SSR1: variants seen among roughly 807,000 people sequenced by gnomAD.
The protein encoded by SSR1 is signal sequence receptor subunit 1.
SSR1 carries 13 observed loss-of-function variants against 36.1 expected under a neutral mutation model. That is an observed-to-expected ratio of 0.36 (90% CI 0.23 to 0.57). The LOEUF (loss-of-function observed/expected upper bound fraction) is 0.57. Ranked by LOEUF, SSR1 falls within the 20% of genes least tolerant of loss-of-function variation. SSR1 has a pLI of 0.81. For missense variants in SSR1, 291 were observed against 338.5 expected, an observed-to-expected ratio of 0.86 and a Z score of 1.10; for synonymous variants, 113 against 118.9, an observed-to-expected ratio of 0.95 and a Z score of 0.32.
Position 7,295,484 on chromosome 6 carries a change from C to T in SSR1, c.701G>A (p.Arg234His), listed in dbSNP as rs138604679. 57 of 1,587,222 alleles carry T rather than the reference C, an allele frequency of 3.6e-5. No individual in the cohort carries two copies. The highest frequency in any genetic ancestry group is 1.4e-4 in the East Asian group (6 of 44,334). ...TTCTACTTTCTGTATGGGTCTCTTACGCTAAAAGAACATAAAGACATATTT... is the reference window on the plus strand; with the variant it reads ...TTCTACTTTCTGTATGGGTCTCTTATGCTAAAAGAACATAAAGACATATTT... ...GLHQLLESRK[R>H]KRPIQKVEMG... The change falls in exon 7 of 8, where the codon CGT (arginine) becomes CAT (histidine). Residue 234 changes from arginine to histidine, a missense_variant and splice_region_variant. By Grantham distance (29) the Arg-to-His change is conservative. Coordinates refer to ENST00000244763, the MANE Select transcript of SSR1 (RefSeq NM_003144.5).
Position 7,284,038 on chromosome 6 carries a change from T to G in SSR1, c.*5826A>C, listed in dbSNP as rs945913434. ...CTGAACACTACTCTTGACCACAGTATTTCTCATTCTCCTTTCTGAAATGCC... is the reference window on the plus strand; with the variant it reads ...CTGAACACTACTCTTGACCACAGTAGTTCTCATTCTCCTTTCTGAAATGCC... On this transcript the variant is annotated 3_prime_UTR_variant, in exon 8 of 8. Coordinates refer to ENST00000244763, the MANE Select transcript of SSR1 (RefSeq NM_003144.5). The G allele has an allele frequency of 6.6e-6, 1 of 152,228 alleles. No individual in the cohort carries two copies. The highest frequency in any genetic ancestry group is 1.5e-5 in the Non-Finnish European group (1 of 68,046). The allele number at this position is 152,228 out of a possible 1,614,324, so 9.4% of individuals were successfully genotyped here.
intron 5 of SSR1, among the ~76,000 whole-genome samples, chr6:7,298,253 T>A (rs1757846880): frequency 6.6e-6 from 1 of 152,232 alleles, no homozygotes; most frequent in Admixed American, 6.5e-5. Flanking sequence ...AAAGCTTGGT[T>A]TATAAAATAA....
intron 3 of SSR1, among the ~76,000 whole-genome samples, chr6:7,302,672 G>C (rs1323418904): frequency 1.3e-5 from 2 of 151,994 alleles, no homozygotes; most frequent in African/African-American, 2.4e-5. Context: ...TGAGTCAGGA[G>C]AATCACTTGA....
chr6:7,303,006 C>G lies in SSR1; in HGVS notation c.280+544G>C, dbSNP rs532875017. ...AAAAAATTAGCCAGGCGTGGTGGCA[C>G]GTGCCTGTAATCCCAGCCACTAGGG... is the stretch of plus-strand genomic sequence containing the variant. On this transcript the variant is annotated intron_variant, in intron 3 of 7. Coordinates refer to ENST00000244763, the MANE Select transcript of SSR1 (RefSeq NM_003144.5). 5.3e-5 allele frequency among the ~76,000 whole-genome samples: 8 copies of G among 151,300 alleles called. No homozygotes were observed. In the South Asian group the frequency reaches 1.5e-3, roughly 28 times the overall value.
intron 1 of SSR1, among the ~76,000 whole-genome samples, chr6:7,312,782 C>T (rs550416150): frequency 3.5e-4 from 53 of 152,336 alleles, no homozygotes; most frequent in African/African-American, 1.2e-3. Flanking sequence ...AGGAGCAAGC[C>T]CAGCCCTCGG....
chr6:7,302,949 C>A (rs1167983671), intron 3 of SSR1, among the ~76,000 whole-genome samples: 4 of 151,542 alleles, frequency 2.6e-5, no homozygotes, highest in African/African-American at 9.7e-5. Flanking sequence ...CCAGCCCGAC[C>A]AACATGGTGA....
rs543821310 is a variant in SSR1 at position 7,288,120 on chromosome 6, C to T, written c.*1744G>A. 5.3e-5 allele frequency: 8 copies of T among 152,258 alleles called. No homozygotes were observed. The highest frequency in any genetic ancestry group is 1.9e-4 in the East Asian group (1 of 5,186). 9.4% of individuals were successfully genotyped at this position (152,258 alleles called of 1,614,324 possible). On this transcript the variant is annotated 3_prime_UTR_variant, in exon 8 of 8. Coordinates refer to ENST00000244763, the MANE Select transcript of SSR1 (RefSeq NM_003144.5). ...AACTCTGTAGAGGCCATTTACATTT[C>T]GTAAATTCTGTAATTACACCTTACT...
At chr6:7,308,264 G>A (rs929075618) in intron 2 of SSR1, among the ~76,000 whole-genome samples, 10 of 152,072 alleles carry the variant, frequency 6.6e-5, no homozygotes, top group African/African-American at 2.2e-4. Context: ...AACAGTAGGT[G>A]CAGAAGCATA....
intron 2 of SSR1, among the ~76,000 whole-genome samples, chr6:7,309,676 T>A (rs1273945712): frequency 6.6e-6 from 1 of 152,174 alleles, no homozygotes; most frequent in Non-Finnish European, 1.5e-5. Context: ...TAAGGGGCTT[T>A]CCCCACCCTT....
In SSR1 at chr6:7,301,410, G is replaced by A. The variant is rs1329021900; in HGVS notation, c.443C>T (p.Pro148Leu). 6.2e-7 allele frequency: 1 copy of A among 1,614,026 alleles called. No homozygotes were observed. The highest frequency in any genetic ancestry group is 8.5e-7 in the Non-Finnish European group (1 of 1,180,040). ...TALPLNTVVP[P>L]QRQATFEYSF... ...GTACTCAAAAGTTGCCTGTCTCTGG[G>A]GTGGCACTACAGTGTTCAGAGGAAG... is the stretch of plus-strand genomic sequence containing the variant. The change falls in exon 4 of 8, where the codon CCC (proline) becomes CTC (leucine). Residue 148 changes from proline (P) to leucine (L), a missense_variant. Transcript: ENST00000244763.
chr6:7,302,588 C>G (rs920310595), intron 3 of SSR1, among the ~76,000 whole-genome samples: 3 of 151,982 alleles, frequency 2.0e-5, no homozygotes, highest in African/African-American at 2.4e-5. Context: ...ATGGTGAAAC[C>G]CCATCCCTAC....
At position 7,289,756 on chromosome 6, in the gene SSR1, G is replaced by A. The variant is rs771023317; in HGVS notation, c.*108C>T. ...CTCTGATTGCTCAGTCCACACACAA[G>A]TAGGAGTTGCCTTCTATGGTGACAT... On this transcript the variant is annotated 3_prime_UTR_variant, in exon 8 of 8. Coordinates refer to ENST00000244763, the MANE Select transcript of SSR1 (RefSeq NM_003144.5). The A allele has an allele frequency of 6.5e-6, 6 of 917,156 alleles. No individual in the cohort carries two copies. In the South Asian group the frequency reaches 6.8e-5, roughly 10 times the overall value. The allele number at this position is 917,156 out of a possible 1,614,324, so 56.8% of individuals were successfully genotyped here.
At position 7,303,493 on chromosome 6, in the gene SSR1, C is replaced by G. The variant is rs979344232; in HGVS notation, c.280+57G>C. The G allele has an allele frequency of 4.3e-5, 54 of 1,251,772 alleles. No individual in the cohort carries two copies. The African/African-American group carries it at 7.6e-4, about 18-fold the overall frequency. 77.5% of individuals were successfully genotyped at this position (1,251,772 alleles called of 1,614,324 possible). ...ATATGGGTATTCAGATATATATGAA[C>G]AAGCTCATCGTTTTAAAATGCCTAC... On this transcript the variant is annotated intron_variant, in intron 3 of 7. Transcript: ENST00000244763.
At position 7,284,867 on chromosome 6, in the gene SSR1, T is replaced by C. The variant is rs1272715078; in HGVS notation, c.*4997A>G. Reference sequence around the variant, plus strand: ...ATATCTCAATTAACAAAAAAGCACATTGAGACTCCAAGGATGAACTGCCTT... The same window carrying C: ...ATATCTCAATTAACAAAAAAGCACACTGAGACTCCAAGGATGAACTGCCTT... On this transcript the variant is annotated 3_prime_UTR_variant, in exon 8 of 8. Transcript: ENST00000244763. The C allele has an allele frequency of 2.0e-5, 3 of 152,154 alleles. No individual in the cohort carries two copies. Among genetic ancestry groups the C allele is most frequent in the South Asian group, 2.1e-4 (1 of 4,824 alleles). The allele number at this position is 152,154 out of a possible 1,614,324, so 9.4% of individuals were successfully genotyped here.
At position 7,301,316 on chromosome 6, in the gene SSR1, A is replaced by G. The variant is rs527399431; in HGVS notation, c.537T>C (p.Asp179=). Residue 179 remains aspartate, a synonymous_variant, in exon 4 of 8, where the codon GAT becomes GAC. Transcript: ENST00000244763. ...FGLVINLNYK[D]LNGNVFQDAV... ...AAGGTTTAGAGGATCTTACGTTCAA[A>G]TCTTTGTAGTTCAGATTGATGACCA... 1.4e-5 allele frequency: 22 copies of G among 1,613,578 alleles called. No homozygotes were observed. Among genetic ancestry groups the G allele is most frequent in the Admixed American group, 3.3e-5 (2 of 59,872 alleles).
At chr6:7,309,583 G>C (rs1249622040) in intron 2 of SSR1, among the ~76,000 whole-genome samples, 1 of 152,234 alleles carries the variant, frequency 6.6e-6, no homozygotes, top group African/African-American at 2.4e-5. Context: ...GAGGAACCTG[G>C]TGGGAGGTAA....
chr6:7,312,825 C>T (rs1758237122), intron 1 of SSR1, among the ~76,000 whole-genome samples: 1 of 152,234 alleles, frequency 6.6e-6, no homozygotes, highest in South Asian at 2.1e-4. Flanking sequence ...CGGGCACGGC[C>T]CCGCGCTCCG....
intron 7 of SSR1, among the ~76,000 whole-genome samples, chr6:7,293,706 G>A (rs7768318): frequency 0.018 from 2,696 of 152,148 alleles, 77 homozygotes; most frequent in African/African-American, 0.061. Context: ...GAACCACCAC[G>A]CCTGGCCAAA....
rs1331644030 is a variant in SSR1, at chr6:7,288,403, G to T, written c.*1461C>A. 2 of 152,196 alleles carry T rather than the reference G, an allele frequency of 1.3e-5. No homozygotes were observed. Among genetic ancestry groups the T allele is most frequent in the African/African-American group, 2.4e-5 (1 of 41,432 alleles). The allele number at this position is 152,196 out of a possible 1,614,324, so 9.4% of individuals were successfully genotyped here. The stretch of plus-strand genomic sequence containing the variant: ...ATTTGATAGCCCCTATTTGCAAAGT[G>T]ATTAACAATTATACAATAACTTCTA... On this transcript the variant is annotated 3_prime_UTR_variant, in exon 8 of 8. Coordinates refer to ENST00000244763, the MANE Select transcript of SSR1 (RefSeq NM_003144.5).
Sources: allele counts gnomAD v4.1 joint callset (sites outside exome capture counted in the v4.1 genomes callset), GRCh38; gene constraint gnomAD v4.1.1; transcripts MANE v1.5; gene names NCBI Gene and HGNC (gene_info 2026-07-23, HGNC 2026-07-21).